MAGI2: variants seen among roughly 807,000 people sequenced by gnomAD.
MAGI2 encodes membrane associated guanylate kinase, WW and PDZ domain containing 2, also known as membrane-associated guanylate kinase, WW and PDZ domain-containing protein 2.
Under a neutral mutation model 133.3 loss-of-function variants are expected in MAGI2, and 35 were observed. The observed-to-expected ratio is 0.26, with a 90% CI of 0.20 to 0.35. MAGI2 has a LOEUF of 0.35. MAGI2 is among the 10% of genes least tolerant of loss of function. The probability of loss-of-function intolerance (pLI) is 1.00; values close to 1 mark genes in which losing one functional copy is unlikely to be tolerated. For synonymous variants in MAGI2, 729 were observed against 710.6 expected, an observed-to-expected ratio of 1.03 and a Z score of -0.41; for missense variants, 1,636 against 1,863.4, an observed-to-expected ratio of 0.88 and a Z score of 2.25.
intron 2 of MAGI2, among the ~76,000 whole-genome samples, chr7:78,719,001 G>A (rs1261040379): frequency 6.6e-6 from 1 of 152,038 alleles, no homozygotes; most frequent in East Asian, 1.9e-4. Flanking sequence ...ATACAATGAG[G>A]GTTTGTGTGT....
intron 1 of MAGI2, among the ~76,000 whole-genome samples, chr7:79,156,516 C>T (rs1057021061): frequency 2.0e-5 from 3 of 152,128 alleles, no homozygotes; most frequent in Non-Finnish European, 4.4e-5. Context: ...TTAACCTGAA[C>T]ATTTCCTTTC....
At chr7:79,315,166 T>TTTTC (rs1838607933) in intron 1 of MAGI2, among the ~76,000 whole-genome samples, 1 of 148,876 alleles carries the variant, frequency 6.7e-6, no homozygotes. Flanking sequence ...ATTTAACTCT[T>TTTTC]TTTTTTTTTT....
At chr7:78,700,055 G>A (rs1817909233) in intron 2 of MAGI2, among the ~76,000 whole-genome samples, 1 of 152,074 alleles carries the variant, frequency 6.6e-6, no homozygotes, top group African/African-American at 2.4e-5. Context: ...TATCTACTGT[G>A]CTATAAATTG....
chr7:78,047,435 T>C (rs1331198203), intron 21 of MAGI2, among the ~76,000 whole-genome samples: 1 of 152,140 alleles, frequency 6.6e-6, no homozygotes, highest in Non-Finnish European at 1.5e-5. Flanking sequence ...CTTCTTGGAT[T>C]TTCTAATGAT....
chr7:78,562,463 G>A (rs1800506490), intron 3 of MAGI2, among the ~76,000 whole-genome samples: 1 of 152,174 alleles, frequency 6.6e-6, no homozygotes, highest in Admixed American at 6.5e-5. Flanking sequence ...CAGTAGGAAA[G>A]AATAATAAAC....
intron 3 of MAGI2, among the ~76,000 whole-genome samples, chr7:78,527,890 A>C (rs17150961): frequency 0.27 from 41,450 of 152,088 alleles, 6,435 homozygotes; most frequent in African/African-American, 0.42. Context: ...TATGGCTCCC[A>C]AGTGGAGATG....
chr7:79,025,511 T>A (rs1008621997), intron 1 of MAGI2, among the ~76,000 whole-genome samples: 27 of 152,280 alleles, frequency 1.8e-4, no homozygotes, highest in African/African-American at 5.8e-4. Flanking sequence ...TAAGTTTTTT[T>A]AAAAAGGAAT....
At chr7:78,099,094 T>G (rs6976139) in intron 20 of MAGI2, among the ~76,000 whole-genome samples, 1 of 151,940 alleles carries the variant, frequency 6.6e-6, no homozygotes, top group Non-Finnish European at 1.5e-5. Context: ...ACAATACCTA[T>G]GCTTTATCTC....
At chr7:79,344,097 C>T (rs4730771) in intron 1 of MAGI2, among the ~76,000 whole-genome samples, 151,701 of 152,196 alleles carry the variant, frequency 1, 75,609 homozygotes, top group Middle Eastern at 1. Flanking sequence ...TCCAAATCCC[C>T]TGACCCCCAA....
intron 9 of MAGI2, among the ~76,000 whole-genome samples, chr7:78,296,963 A>G (rs371319600): frequency 6.6e-6 from 1 of 152,212 alleles, no homozygotes; most frequent in African/African-American, 2.4e-5. Context: ...AGCTCGCTAT[A>G]GTTAAAAGCA....
chr7:79,319,501 A>G (rs547460585), intron 1 of MAGI2, among the ~76,000 whole-genome samples: 66 of 152,264 alleles, frequency 4.3e-4, no homozygotes, highest in African/African-American at 1.5e-3. Flanking sequence ...AGAAGTATGT[A>G]TGTGTCTATG....
At chr7:79,010,712 A>C (rs2116570821) in intron 1 of MAGI2, among the ~76,000 whole-genome samples, 1 of 152,176 alleles carries the variant, frequency 6.6e-6, no homozygotes, top group Non-Finnish European at 1.5e-5. Context: ...TTTTTCCTTC[A>C]AAAAAATCAG....
chr7:79,015,829 C>A (rs1238468623), intron 1 of MAGI2, among the ~76,000 whole-genome samples: 1 of 151,990 alleles, frequency 6.6e-6, no homozygotes, highest in Non-Finnish European at 1.5e-5. Flanking sequence ...TACAGCATCC[C>A]CATGAGAGAT....
At chr7:78,121,071 G>T (rs1820424823) in intron 20 of MAGI2, among the ~76,000 whole-genome samples, 1 of 148,108 alleles carries the variant, frequency 6.8e-6, no homozygotes, top group African/African-American at 2.5e-5. Flanking sequence ...TGAGATTGAG[G>T]TTCTACCTTA....
chr7:78,237,636 A>C (rs1790688560), intron 10 of MAGI2, among the ~76,000 whole-genome samples: 1 of 152,182 alleles, frequency 6.6e-6, no homozygotes, highest in South Asian at 2.1e-4. Context: ...ACAAATAGGA[A>C]TATTAGTTCT....
At chr7:78,594,648 G>C (rs889264373) in intron 3 of MAGI2, among the ~76,000 whole-genome samples, 15 of 152,210 alleles carry the variant, frequency 9.9e-5, no homozygotes, top group African/African-American at 3.1e-4. Context: ...AGTAGAGACG[G>C]GGTTTCACCA....
intron 6 of MAGI2, among the ~76,000 whole-genome samples, chr7:78,455,709 T>C (rs1336370447): frequency 6.6e-6 from 1 of 152,146 alleles, no homozygotes; most frequent in Non-Finnish European, 1.5e-5. Context: ...CAACACATAA[T>C]TGTTAGTTTG....
chr7:78,666,504 T>C (rs1251149992), intron 2 of MAGI2, among the ~76,000 whole-genome samples: 1 of 152,150 alleles, frequency 6.6e-6, no homozygotes, highest in African/African-American at 2.4e-5. Context: ...AAGTCTCAGC[T>C]AGATGGACCC....
rs144433217 is a variant in MAGI2 at position 79,364,522 on chromosome 7, C to T, written c.301+88498G>A. Among the ~76,000 whole-genome samples, 145 of 152,026 alleles carry T rather than the reference C, an allele frequency of 9.5e-4. 2 individuals are homozygous for T. In the East Asian group the frequency reaches 0.027, roughly 28 times the overall value. On this transcript the variant is annotated intron_variant, in intron 1 of 21. Transcript: ENST00000354212. ...TTTAAAAACAACATGAGAAGAATCA[C>T]TTTAGTTAATATTAAAGCTTGCTAC... is the stretch of plus-strand genomic sequence containing the variant.
Sources: allele counts gnomAD v4.1 joint callset (sites outside exome capture counted in the v4.1 genomes callset), GRCh38; gene constraint gnomAD v4.1.1; transcripts MANE v1.5; gene names NCBI Gene and HGNC (gene_info 2026-07-23, HGNC 2026-07-21).